Variants in WWOX observed in about 807,000 individuals in gnomAD.
WWOX encodes WW domain containing oxidoreductase.
In WWOX, 69 loss-of-function variants were observed where a neutral mutation model predicts 46.2. The ratio of observed to expected loss-of-function variants is 1.49; its 90% CI spans 1.23 to 1.82. WWOX has a LOEUF of 1.82. WWOX is among the 40% of genes most tolerant of loss of function. The pLI, the probability that WWOX is intolerant of heterozygous loss-of-function variation, is 0.00. For synonymous variants in WWOX, 359 were observed against 202.6 expected (o/e 1.77, Z -6.56); for missense variants, 919 against 542.6 (o/e 1.69, Z -6.89).
intron 8 of WWOX, among the ~76,000 whole-genome samples, chr16:78,814,834 C>A (rs6564596): frequency 0.25 from 38,192 of 152,126 alleles, 5,498 homozygotes; most frequent in African/African-American, 0.4. Flanking sequence ...CTGTCATCTG[C>A]CCTTGCAAAA....
At chr16:78,969,271 T>A (rs570794040) in intron 8 of WWOX, among the ~76,000 whole-genome samples, 2 of 148,034 alleles carry the variant, frequency 1.4e-5, no homozygotes, top group African/African-American at 5.0e-5. Flanking sequence ...CTCTCTCTCT[T>A]TTTTTTTTTT....
chr16:78,517,081 T>A (rs1452872290), intron 8 of WWOX, among the ~76,000 whole-genome samples: 1 of 152,358 alleles, frequency 6.6e-6, no homozygotes, highest in African/African-American at 2.4e-5. Flanking sequence ...GTCTTCCATG[T>A]GTTTTTTATT....
At chr16:78,998,894 A>G (rs1202335414) in intron 8 of WWOX, among the ~76,000 whole-genome samples, 1 of 152,186 alleles carries the variant, frequency 6.6e-6, no homozygotes, top group East Asian at 1.9e-4. Context: ...GCGGTGTCCG[A>G]CTTTGTTATT....
intron 8 of WWOX, among the ~76,000 whole-genome samples, chr16:78,833,367 A>G (rs1171911039): frequency 1.3e-5 from 2 of 152,050 alleles, no homozygotes; most frequent in African/African-American, 4.8e-5. Context: ...TCTTTCCTGC[A>G]TACAGCTTGT....
chr16:78,335,788 A>G (rs933251730), intron 5 of WWOX, among the ~76,000 whole-genome samples: 1 of 152,188 alleles, frequency 6.6e-6, no homozygotes, highest in Non-Finnish European at 1.5e-5. Context: ...GGGCCCCAAA[A>G]CTTGCGTTTC....
At chr16:78,470,596 C>A (rs1209648557) in intron 8 of WWOX, among the ~76,000 whole-genome samples, 1 of 152,172 alleles carries the variant, frequency 6.6e-6, no homozygotes, top group Admixed American at 6.5e-5. Context: ...ATGGCACCAT[C>A]TTGACTTACT....
At chr16:78,624,105 A>G (rs1312684692) in intron 8 of WWOX, among the ~76,000 whole-genome samples, 1 of 152,156 alleles carries the variant, frequency 6.6e-6, no homozygotes, top group African/African-American at 2.4e-5. Context: ...AACAGGTCAT[A>G]TGATTTCCAT....
At chr16:78,854,690 C>A (rs2052527231) in intron 8 of WWOX, among the ~76,000 whole-genome samples, 1 of 152,184 alleles carries the variant, frequency 6.6e-6, no homozygotes, top group Non-Finnish European at 1.5e-5. Context: ...AAGTGATTCT[C>A]CTGCCTCAGC....
At chr16:78,739,373 T>G (rs933511106) in intron 8 of WWOX, among the ~76,000 whole-genome samples, 2 of 152,132 alleles carry the variant, frequency 1.3e-5, no homozygotes, top group African/African-American at 2.4e-5. Flanking sequence ...TAGCCAACAA[T>G]TTTGGAGGCA....
Position 78,917,544 on chromosome 16 carries a change from T to A in WWOX, c.1057-294064T>A, listed in dbSNP as rs575301687. On this transcript the variant is annotated intron_variant, in intron 8 of 8. Coordinates refer to ENST00000566780, the MANE Select transcript of WWOX (RefSeq NM_016373.4). ...AGTCAACAAAATGGTCTGTTGGAAA[T>A]TATTCCTAACCCCCAACCACTGTCA... Among the ~76,000 whole-genome samples, 7 of 152,154 alleles carry A rather than the reference T, an allele frequency of 4.6e-5. No homozygotes were observed. The South Asian group carries it at 1.5e-3, about 32-fold the overall frequency.
chr16:78,758,341 CCAAAG>C (rs1332569920), intron 8 of WWOX, among the ~76,000 whole-genome samples: 4 of 152,104 alleles, frequency 2.6e-5, no homozygotes, highest in African/African-American at 9.7e-5. Context: ...GTATTAAAAA[CCAAAG>C]CAAGATCTTT....
chr16:78,652,579 C>T (rs778554132), intron 8 of WWOX, among the ~76,000 whole-genome samples: 16 of 152,208 alleles, frequency 1.1e-4, no homozygotes, highest in Admixed American at 5.9e-4. Context: ...TATTTCTCAG[C>T]GTGTTCGGGG....
chr16:78,730,617 ATTTTT>A (rs536906826), intron 8 of WWOX, among the ~76,000 whole-genome samples: 7,905 of 123,068 alleles, frequency 0.064, 758 homozygotes, highest in African/African-American at 0.22. Flanking sequence ...ACGCCCGGCA[ATTTTT>A]TTTTTTTTTT....
At chr16:78,286,281 C>G (rs1296409687) in intron 5 of WWOX, among the ~76,000 whole-genome samples, 1 of 152,234 alleles carries the variant, frequency 6.6e-6, no homozygotes, top group African/African-American at 2.4e-5. Context: ...TCACATGCTG[C>G]TGTACCATAT....
chr16:78,374,375 C>T (rs1274407917), intron 5 of WWOX, among the ~76,000 whole-genome samples: 1 of 152,060 alleles, frequency 6.6e-6, no homozygotes, highest in East Asian at 1.9e-4. Context: ...ACAAACTTCA[C>T]TTGTTAGTGT....
intron 5 of WWOX, among the ~76,000 whole-genome samples, chr16:78,194,802 G>T (rs1372128441): frequency 6.6e-6 from 1 of 151,708 alleles, no homozygotes; most frequent in Admixed American, 6.6e-5. Context: ...CTTAACTCCC[G>T]ATCCTTTTAA....
chr16:78,479,152 A>G (rs1597142428), intron 8 of WWOX, among the ~76,000 whole-genome samples: 2 of 152,234 alleles, frequency 1.3e-5, no homozygotes, highest in Non-Finnish European at 2.9e-5. Context: ...AAAGCAGAGA[A>G]AGGTGTTTTG....
intron 8 of WWOX, among the ~76,000 whole-genome samples, chr16:79,008,799 C>G (rs997072824): frequency 6.6e-6 from 1 of 152,206 alleles, no homozygotes; most frequent in Non-Finnish European, 1.5e-5. Flanking sequence ...CCTTGTCTTC[C>G]AGCCCCACAA....
At chr16:79,200,625 C>G (rs756634379) in intron 8 of WWOX, among the ~76,000 whole-genome samples, 8 of 152,176 alleles carry the variant, frequency 5.3e-5, no homozygotes, top group Non-Finnish European at 8.8e-5. Flanking sequence ...GTCATCACCA[C>G]CGTCGTCGTC....
Sources: gnomAD v4.1 joint callset for allele counts (sites outside exome capture counted in the v4.1 genomes callset) on GRCh38, gnomAD v4.1.1 for gene constraint, MANE v1.5 for transcripts, NCBI Gene and HGNC (gene_info 2026-07-23, HGNC 2026-07-21) for gene names.